ATG13: variants seen among roughly 807,000 people sequenced by gnomAD.
ATG13 encodes autophagy-related protein 13.
In ATG13, 23 loss-of-function variants were observed where a neutral mutation model predicts 65.5. That is an observed-to-expected ratio of 0.35 (90% CI 0.25 to 0.50). ATG13 has a LOEUF of 0.50. Ranked by LOEUF, ATG13 falls within the 20% of genes least tolerant of loss-of-function variation. The pLI, the probability that ATG13 is intolerant of heterozygous loss-of-function variation, is 0.98. For synonymous variants in ATG13, 252 were observed against 245.2 expected (o/e 1.03, Z -0.26); for missense variants, 566 against 677.0 (o/e 0.84, Z 1.82).
At chr11:46,629,888 T>G (rs995424194) in intron 1 of ATG13, 157 bp from the exon 2 acceptor site, 1 of 152,208 alleles carries the variant, frequency 6.6e-6, no homozygotes, top group Non-Finnish European at 1.5e-5. Context: ...TTTATTCATT[T>G]TATTTTTGGT....
At position 46,657,511 on chromosome 11, in the gene ATG13, T is replaced by G; in HGVS notation, c.597-13T>G. 6.2e-7 allele frequency: 1 copy of G among 1,608,860 alleles called. No homozygotes were observed. The highest frequency in any genetic ancestry group is 8.5e-7 in the Non-Finnish European group (1 of 1,175,182). ...ATTCTAACAAATACTGGAATCTGCT[T>G]ATTGTATTACAGGCAATTTGAGAGG... On this transcript the variant is annotated splice_polypyrimidine_tract_variant and intron_variant, in intron 9 of 18. Coordinates refer to ENST00000683050, the MANE Select transcript of ATG13 (RefSeq NM_001346311.2).
chr11:46,627,947 T>C (rs578131024), intron 1 of ATG13, among the ~76,000 whole-genome samples: 1 of 151,914 alleles, frequency 6.6e-6, no homozygotes, highest in South Asian at 2.1e-4. Context: ...TAGCTGGGTG[T>C]GGTGGCATGC....
At chr11:46,641,308 G>A (rs2055906558) in intron 2 of ATG13, among the ~76,000 whole-genome samples, 1 of 152,150 alleles carries the variant, frequency 6.6e-6, no homozygotes, top group Non-Finnish European at 1.5e-5. Flanking sequence ...CTGACCTTGT[G>A]ATCCACCCGC....
chr11:46,641,348 G>GCGTGAGC (rs1178545271), intron 2 of ATG13, among the ~76,000 whole-genome samples: 2 of 152,200 alleles, frequency 1.3e-5, no homozygotes, highest in African/African-American at 4.8e-5. Flanking sequence ...GGGATTACAG[G>GCGTGAGC]CGTGAGCCAC....
chr11:46,640,536 T>C (rs2055619038), intron 2 of ATG13, among the ~76,000 whole-genome samples: 1 of 152,174 alleles, frequency 6.6e-6, no homozygotes, highest in Non-Finnish European at 1.5e-5. Flanking sequence ...ATATCTTAGC[T>C]AGAGCCTCTG....
In ATG13 at chr11:46,659,425, G is replaced by A. The variant is rs150797770; in HGVS notation, c.729G>A (p.Pro243=). Residue 243 remains proline, a synonymous_variant, in exon 11 of 19, where the codon CCG becomes CCA. Transcript: ENST00000683050. ...TAGEDTGVIY[P]SVEDSQEVCT... ...GTGAGGACACTGGAGTAATATACCC[G>A]TCTGTAGAAGACTCTCAAGAAGTGT... is the stretch of plus-strand genomic sequence containing the variant. 2.6e-4 allele frequency: 414 copies of A among 1,613,808 alleles called. No homozygotes were observed. Among genetic ancestry groups the A allele is most frequent in the African/African-American group, 7.9e-4 (59 of 74,862 alleles).
chr11:46,646,704 T>C (rs1368220186), intron 5 of ATG13, among the ~76,000 whole-genome samples: 1 of 151,912 alleles, frequency 6.6e-6, no homozygotes. Flanking sequence ...CCTCAGGTAA[T>C]CCGCCCACTT....
chr11:46,642,311 T>G (rs2056308153), intron 2 of ATG13, among the ~76,000 whole-genome samples: 1 of 105,212 alleles, frequency 9.5e-6, no homozygotes, highest in African/African-American at 3.3e-5. Flanking sequence ...TGGGTTTTTT[T>G]TTTTTTTTTT....
intron 11 of ATG13, among the ~76,000 whole-genome samples, chr11:46,660,386 G>T (rs199749142): frequency 2.2e-3 from 284 of 131,140 alleles, no homozygotes; most frequent in Middle Eastern, 0.011. Context: ...GTTGTTGTTG[G>T]TTTTTTTTTT....
At position 46,665,478 on chromosome 11, in the gene ATG13, C is replaced by T. The variant is rs200971663; in HGVS notation, c.1095C>T (p.Thr365=). ...QADQERLATC[T]PSDRTHCAAT... The stretch of plus-strand genomic sequence containing the variant: ...ACCAGGAGAGACTGGCAACCTGCAC[C>T]CCTTCTGACAGAACCCACTGTGCTG... Residue 365 remains threonine (T), a synonymous_variant, in exon 14 of 19, where the codon ACC becomes ACT. Coordinates refer to ENST00000683050, the MANE Select transcript of ATG13 (RefSeq NM_001346311.2). The T allele has an allele frequency of 5.1e-5, 82 of 1,614,244 alleles. No homozygotes were observed. The highest frequency in any genetic ancestry group is 6.8e-5 in the Non-Finnish European group (80 of 1,180,042).
intron 2 of ATG13, among the ~76,000 whole-genome samples, chr11:46,638,854 C>T (rs2054897060): frequency 6.6e-6 from 1 of 152,126 alleles, no homozygotes. Context: ...GTCACCCAGG[C>T]TGGAGTGCAA....
chr11:46,619,351 C>T (rs1459246473), intron 1 of ATG13, among the ~76,000 whole-genome samples: 84 of 119,044 alleles, frequency 7.1e-4, no homozygotes, highest in African/African-American at 2.6e-3. Flanking sequence ...TTTTTAATGT[C>T]CTTGGAAGGT....
chr11:46,617,787 C>T lies in ATG13; in HGVS notation c.-173C>T. 2 of 399,252 alleles carry T rather than the reference C, an allele frequency of 5.0e-6. No homozygotes were observed. Among genetic ancestry groups the T allele is most frequent in the Admixed American group, 8.8e-5 (2 of 22,738 alleles). 24.7% of individuals were successfully genotyped at this position (399,252 alleles called of 1,614,324 possible). Reference sequence around the variant, plus strand: ...TCGGCGACGTGTACGGTCACTGCAGCTCCGGAGCGCGGAACCCTCAGCCAG... The same window carrying T: ...TCGGCGACGTGTACGGTCACTGCAGTTCCGGAGCGCGGAACCCTCAGCCAG... On this transcript the variant is annotated 5_prime_UTR_variant, in exon 1 of 19. Coordinates refer to ENST00000683050, the MANE Select transcript of ATG13 (RefSeq NM_001346311.2).
chr11:46,625,561 C>G (rs1166437401), intron 1 of ATG13: 1 of 152,022 alleles, frequency 6.6e-6, no homozygotes, highest in Non-Finnish European at 1.5e-5. Flanking sequence ...ACTGGGCTGG[C>G]CAAGGCATAC....
At chr11:46,618,587 G>A (rs541621058) in intron 1 of ATG13, among the ~76,000 whole-genome samples, 1 of 152,180 alleles carries the variant, frequency 6.6e-6, no homozygotes, top group African/African-American at 2.4e-5. Context: ...ATCTCCTAAG[G>A]TGATAGAATT....
chr11:46,668,915 G>C lies in ATG13; in HGVS notation c.1446+5G>C. On this transcript the variant is annotated splice_donor_5th_base_variant and intron_variant, in intron 17 of 18. Transcript: ENST00000683050. The stretch of plus-strand genomic sequence containing the variant: ...GACTTTGTTATGATAGACTTTGTAA[G>C]TCGCCGTCACCTTCCTTGACCTTTG... 6.2e-7 allele frequency: 1 copy of C among 1,606,416 alleles called. No individual in the cohort carries two copies. Among genetic ancestry groups the C allele is most frequent in the Non-Finnish European group, 8.5e-7 (1 of 1,173,894 alleles).
intron 7 of ATG13, among the ~76,000 whole-genome samples, chr11:46,655,130 T>C (rs2059763394): frequency 1.3e-5 from 2 of 151,486 alleles, no homozygotes; most frequent in African/African-American, 4.9e-5. Context: ...CCGGGCGCAG[T>C]GGCTCACGCC....
At chr11:46,668,178 T>G (rs2062804923) in intron 15 of ATG13, among the ~76,000 whole-genome samples, 1 of 152,208 alleles carries the variant, frequency 6.6e-6, no homozygotes. Flanking sequence ...TGCCTCGGCC[T>G]TATTTGAATT....
At chr11:46,655,141 T>A (rs185238365) in intron 7 of ATG13, among the ~76,000 whole-genome samples, 1 of 151,770 alleles carries the variant, frequency 6.6e-6, no homozygotes, top group Non-Finnish European at 1.5e-5. Flanking sequence ...GGCTCACGCC[T>A]GTAATCCCAG....
Sources: allele counts gnomAD v4.1 joint callset (sites outside exome capture counted in the v4.1 genomes callset), GRCh38; gene constraint gnomAD v4.1.1; transcripts MANE v1.5; gene names NCBI Gene and HGNC (gene_info 2026-07-23, HGNC 2026-07-21).